The following SYCP2 variants were observed in gnomAD, a reference collection of about 807,000 sequenced individuals.
SYCP2 encodes the protein synaptonemal complex lateral element protein.
Under a neutral mutation model 211.3 loss-of-function variants are expected in SYCP2, and 55 were observed. The ratio of observed to expected loss-of-function variants is 0.26; its 90% CI spans 0.21 to 0.33. SYCP2 has a LOEUF of 0.33. Ranked by LOEUF, SYCP2 falls within the 10% of genes least tolerant of loss-of-function variation. The pLI, the probability that SYCP2 is intolerant of heterozygous loss-of-function variation, is 1.00. For synonymous variants in SYCP2, 570 were observed against 555.2 expected (o/e 1.03, Z -0.37); for missense variants, 1,731 against 1,752.0 (o/e 0.99, Z 0.21).
rs1403542591 is a variant in SYCP2, at chr20:59,915,258, CAT to C, written c.600-61_600-60del. On this transcript the variant is annotated intron_variant, in intron 9 of 44. Coordinates refer to ENST00000357552, the MANE Select transcript of SYCP2 (RefSeq NM_014258.4). ...CAGTATCAATTAAATAGGAAGTCCACATGTTTAGGAGGAAAAGAAACTTCACA... is the reference window on the plus strand; with the variant it reads ...CAGTATCAATTAAATAGGAAGTCCACGTTTAGGAGGAAAAGAAACTTCACA... 8 of 1,303,802 alleles carry C rather than the reference CAT, an allele frequency of 6.1e-6. No individual in the cohort carries two copies. The Admixed American group carries it at 1.0e-4, about 17-fold the overall frequency. The allele number at this position is 1,303,802 out of a possible 1,614,324, so 80.8% of individuals were successfully genotyped here.
chr20:59,868,773 G>A, intron 37 of SYCP2, 62 bp downstream of exon 37: 1 of 1,415,774 alleles, frequency 7.1e-7, no homozygotes, highest in Non-Finnish European at 9.7e-7. Context: ...AATTCCTTTA[G>A]TTGAAATGTC....
At position 59,901,768 on chromosome 20, in the gene SYCP2, G is replaced by A; in HGVS notation, c.1076C>T (p.Thr359Ile). The A allele has an allele frequency of 6.2e-7, 1 of 1,603,338 alleles. No individual in the cohort carries two copies. The highest frequency in any genetic ancestry group is 1.3e-5 in the African/African-American group (1 of 74,380). ...CCCTTCTCTTTTGCTAATTTTTACT[G>A]TATTTTTCAGAATTATTGTCAGTAG... ...KKLLTIILKN[T>I]VKISKREGKE... Residue 359 changes from threonine (T) to isoleucine (I), a missense_variant, in exon 16 of 45, where the codon ACA (threonine) becomes ATA (isoleucine). By Grantham distance (89) the Thr-to-Ile change is moderately conservative. Around this residue, in one of 3 missense-constraint regions of SYCP2, gnomAD observed 1,387 missense variants for 1,351.3 expected, o/e 1.03. Transcript: ENST00000357552.
intron 28 of SYCP2, among the ~76,000 whole-genome samples, 175 bp from the exon 29 acceptor site, chr20:59,881,667 T>C (rs184842674): frequency 2.9e-3 from 410 of 142,006 alleles, no homozygotes; most frequent in Middle Eastern, 3.5e-3. Context: ...AATAGAATAG[T>C]TTTTTTTTTC....
chr20:59,906,708 C>A (rs892549621), intron 15 of SYCP2, among the ~76,000 whole-genome samples: 9 of 151,908 alleles, frequency 5.9e-5, no homozygotes, highest in African/African-American at 1.9e-4. Context: ...TTTAAAACTG[C>A]TCACCAGATA....
Position 59,922,250 on chromosome 20 carries a change from C to G in SYCP2, c.24+140G>C, listed in dbSNP as rs563882257. ...CATCTAATGAATACATGAAAGGACA[C>G]TTTATTTAAACTATTCTTGACCATT... On this transcript the variant is annotated intron_variant, in intron 3 of 44. Coordinates refer to ENST00000357552, the MANE Select transcript of SYCP2 (RefSeq NM_014258.4). 4.3e-5 allele frequency: 30 copies of G among 698,034 alleles called. No homozygotes were observed. The South Asian group carries it at 6.2e-4, about 14-fold the overall frequency. The allele number at this position is 698,034 out of a possible 1,614,324, so 43.2% of individuals were successfully genotyped here.
At chr20:59,895,675 G>A (rs1317296628) in intron 19 of SYCP2, 78 bp from the exon 20 acceptor site, 1 of 1,500,024 alleles carries the variant, frequency 6.7e-7, no homozygotes, top group African/African-American at 1.4e-5. Context: ...CAATGAGAAA[G>A]GTAAGAAACG....
At chr20:59,891,268 T>A (rs1020651626) in intron 24 of SYCP2, among the ~76,000 whole-genome samples, 4 of 151,964 alleles carry the variant, frequency 2.6e-5, no homozygotes, top group Non-Finnish European at 5.9e-5. Context: ...GCAGTGGAAA[T>A]GTATTCTAAT....
chr20:59,920,631 G>C, intron 4 of SYCP2, 144 bp from the exon 5 acceptor site: 1 of 683,576 alleles, frequency 1.5e-6, no homozygotes, highest in Non-Finnish European at 2.4e-6. Context: ...TGCAACAGAT[G>C]AAAATGTGGT....
intron 18 of SYCP2, among the ~76,000 whole-genome samples, chr20:59,897,148 C>T (rs184187489): frequency 6.6e-6 from 1 of 152,030 alleles, no homozygotes; most frequent in East Asian, 1.9e-4. Context: ...ACAGGAGTTT[C>T]AGAGGATGCC....
At chr20:59,877,261 A>T in intron 33 of SYCP2, 124 bp downstream of exon 33, 1 of 722,052 alleles carries the variant, frequency 1.4e-6, no homozygotes, top group Non-Finnish European at 2.0e-6. Context: ...ATTATTATTT[A>T]AGTTTTGTCA....
chr20:59,868,535 T>C lies in SYCP2; in HGVS notation c.3866A>G (p.Tyr1289Cys), dbSNP rs1447759484. The C allele has an allele frequency of 6.2e-7, 1 of 1,607,082 alleles. No individual in the cohort carries two copies. Among genetic ancestry groups the C allele is most frequent in the Middle Eastern group, 1.7e-4 (1 of 5,980 alleles). Residue 1289 changes from tyrosine (Y) to cysteine (C), a missense_variant, in exon 38 of 45, where the codon TAT (tyrosine) becomes TGT (cysteine). Around this residue, in one of 3 missense-constraint regions of SYCP2, gnomAD observed 1,387 missense variants for 1,351.3 expected, o/e 1.03. Coordinates refer to ENST00000357552, the MANE Select transcript of SYCP2 (RefSeq NM_014258.4). Reference protein sequence around the residue: ...PTQHLSRKRIYIEDNLSNSNE... With the variant: ...PTQHLSRKRICIEDNLSNSNE... ...GGAATTACTTAGATTATCTTCTATA[T>C]ATATTCTTTTGCGACTAAGATGTTG... is the stretch of plus-strand genomic sequence containing the variant.
intron 14 of SYCP2, among the ~76,000 whole-genome samples, chr20:59,908,018 A>G (rs993240832): frequency 2.6e-5 from 4 of 152,166 alleles, no homozygotes; most frequent in African/African-American, 7.2e-5. Flanking sequence ...AGGCCAAGGC[A>G]GGCGGATCAC....
rs140597671 is a variant in SYCP2, at chr20:59,921,562, C to A, written c.25-109G>T. 1.5e-4 allele frequency: 102 copies of A among 666,490 alleles called. No individual in the cohort carries two copies. In the African/African-American group the frequency reaches 1.7e-3, roughly 11 times the overall value. 41.3% of individuals were successfully genotyped at this position (666,490 alleles called of 1,614,324 possible). Reference sequence around the variant, plus strand: ...TCACATGAAAACTCTCAAATGAACTCATAAAATATTAATTCACGTATTTTT... The same window carrying A: ...TCACATGAAAACTCTCAAATGAACTAATAAAATATTAATTCACGTATTTTT... On this transcript the variant is annotated intron_variant, in intron 3 of 44. Transcript: ENST00000357552.
Position 59,921,440 on chromosome 20 carries a change from C to A in SYCP2, c.38G>T (p.Cys13Phe), listed in dbSNP as rs761598399. 1 of 1,601,046 alleles carries A rather than the reference C, an allele frequency of 6.2e-7. No homozygotes were observed. The highest frequency in any genetic ancestry group is 8.5e-7 in the Non-Finnish European group (1 of 1,172,740). ...IRPDLQQLEK[C>F]IDDALRKNDF... ...ATTTTTTCTTAAAGCATCATCAATG[C>A]ATTTTTCCAACTGCTAGAGAAATAT... Residue 13 changes from cysteine (C) to phenylalanine (F), a missense_variant, in exon 4 of 45, where the codon TGC (cysteine) becomes TTC (phenylalanine). Physicochemically the swap from Cys to Phe is radical, Grantham distance 205. Coordinates refer to ENST00000357552, the MANE Select transcript of SYCP2 (RefSeq NM_014258.4).
At chr20:59,907,301 A>G (rs965928838) in intron 15 of SYCP2, 63 bp downstream of exon 15, 2 of 1,045,656 alleles carry the variant, frequency 1.9e-6, no homozygotes, top group Admixed American at 4.2e-5. Flanking sequence ...CCCAGAAAGG[A>G]TGTAACATTT....
chr20:59,864,446 CAAATA>C (rs1030386852), intron 44 of SYCP2, 58 bp from the exon 45 acceptor site: 26 of 1,167,646 alleles, frequency 2.2e-5, no homozygotes, highest in African/African-American at 1.1e-4. Context: ...GTAAAACCAC[CAAATA>C]AAATAGAAAA....
intron 21 of SYCP2, 49 bp downstream of exon 21, chr20:59,893,475 A>AT: frequency 8.6e-7 from 1 of 1,167,196 alleles, no homozygotes; most frequent in East Asian, 2.4e-5. Context: ...AGGGAGAAGT[A>AT]TATACATTTT....
At chr20:59,889,462 A>G (rs751136429) in intron 24 of SYCP2, among the ~76,000 whole-genome samples, 3 of 151,994 alleles carry the variant, frequency 2.0e-5, no homozygotes, top group Non-Finnish European at 4.4e-5. Flanking sequence ...TAGTTTTAAT[A>G]AAGTCCAATA....
chr20:59,882,097 T>C lies in SYCP2; in HGVS notation c.2598A>G (p.Pro866=), dbSNP rs780717165. 1.2e-5 allele frequency: 20 copies of C among 1,612,416 alleles called. No individual in the cohort carries two copies. Among genetic ancestry groups the C allele is most frequent in the Middle Eastern group, 1.6e-4 (1 of 6,072 alleles). ...AAAATATTACAAAAAATACTTACAC[T>C]GGGCATTCAGAAGTAACATTAACAA... ...TTFVNVTSEC[P]VNDVYNFNLN... The change falls in exon 27 of 45, where the codon CCA becomes CCG. Residue 866 remains proline, a splice_region_variant and synonymous_variant. Coordinates refer to ENST00000357552, the MANE Select transcript of SYCP2 (RefSeq NM_014258.4).
Sources: gnomAD v4.1 joint callset for allele counts (sites outside exome capture counted in the v4.1 genomes callset) on GRCh38, gnomAD v4.1.1 for gene constraint, gnomAD v4.1.1 regional missense constraint, MANE v1.5 for transcripts, NCBI Gene and HGNC (gene_info 2026-07-23, HGNC 2026-07-21) for gene names.